Variants in CADPS observed in about 807,000 individuals in gnomAD.
The protein encoded by CADPS is calcium-dependent secretion activator 1.
Under a neutral mutation model 167.3 loss-of-function variants are expected in CADPS, and 57 were observed. The observed-to-expected ratio is 0.34, with a 90% CI of 0.28 to 0.42. The LOEUF (loss-of-function observed/expected upper bound fraction) is 0.42, where lower values mean the gene tolerates loss of function less well. Among genes scored for constraint, CADPS ranks in the 20% least tolerant of loss-of-function variants. The pLI, the probability that CADPS is intolerant of heterozygous loss-of-function variation, is 1.00. For missense variants in CADPS, 1,414 were observed against 1,738.1 expected (o/e 0.81, Z 3.32); for synonymous variants, 676 against 635.3 (o/e 1.06, Z -0.96).
At chr3:62,647,020 T>C (rs1359937832) in intron 5 of CADPS, among the ~76,000 whole-genome samples, 1 of 152,150 alleles carries the variant, frequency 6.6e-6, no homozygotes, top group Non-Finnish European at 1.5e-5. Flanking sequence ...TCACCTACTA[T>C]TCTGATATTT....
chr3:62,520,779 A>C (rs1420500468), intron 13 of CADPS, among the ~76,000 whole-genome samples: 3 of 152,226 alleles, frequency 2.0e-5, no homozygotes, highest in Non-Finnish European at 4.4e-5. Context: ...ATGCAGGAAT[A>C]ACAACTTGTC....
At chr3:62,780,803 C>T (rs552530676) in intron 1 of CADPS, among the ~76,000 whole-genome samples, 1 of 152,258 alleles carries the variant, frequency 6.6e-6, no homozygotes, top group South Asian at 2.1e-4. Flanking sequence ...CCAGCTTTTC[C>T]ATCTTGCTAG....
intron 1 of CADPS, among the ~76,000 whole-genome samples, chr3:62,858,827 C>G (rs1457693573): frequency 6.6e-6 from 1 of 152,070 alleles, no homozygotes; most frequent in Admixed American, 6.5e-5. Flanking sequence ...CCTTAAAAAT[C>G]TGCTTTATGA....
chr3:62,467,288 A>G, intron 24 of CADPS: 5 of 1,249,548 alleles, frequency 4.0e-6, no homozygotes, highest in Non-Finnish European at 5.2e-6. Flanking sequence ...GAAAAGGAAA[A>G]TGCACTTACC....
chr3:62,549,865 C>G, intron 11 of CADPS, 38 bp downstream of exon 11: 4 of 1,521,036 alleles, frequency 2.6e-6, no homozygotes, highest in Non-Finnish European at 3.6e-6. Flanking sequence ...TTACTTTACT[C>G]TACAGAGCTA....
rs79207718 is a variant in CADPS at position 62,865,831 on chromosome 3, T to C, written c.441+8758A>G. Among the ~76,000 whole-genome samples the C allele has an allele frequency of 2.0e-3, 300 of 152,140 alleles. 10 individuals carry two copies. The East Asian group carries it at 0.048, about 25-fold the overall frequency. On this transcript the variant is annotated intron_variant, in intron 1 of 29. Coordinates refer to ENST00000383710, the MANE Select transcript of CADPS (RefSeq NM_003716.4). Reference sequence around the variant, plus strand: ...AGAAAGGACTTTAGGCAGCTTACAATAAAATAACAGAAAATAATGCCAAAA... The same window carrying C: ...AGAAAGGACTTTAGGCAGCTTACAACAAAATAACAGAAAATAATGCCAAAA...
chr3:62,647,939 C>CCCTTTGCCCTTTGT (rs1424584806), intron 5 of CADPS, among the ~76,000 whole-genome samples: 1 of 152,184 alleles, frequency 6.6e-6, no homozygotes, highest in Non-Finnish European at 1.5e-5. Flanking sequence ...TTAGCACATG[C>CCCTTTGCCCTTTGT]CCTTTGCCCT....
At chr3:62,586,048 G>T (rs2084541331) in intron 7 of CADPS, among the ~76,000 whole-genome samples, 1 of 152,212 alleles carries the variant, frequency 6.6e-6, no homozygotes, top group African/African-American at 2.4e-5. Flanking sequence ...GAAACAGGAA[G>T]TGAGTAACTC....
At chr3:62,706,279 C>T (rs2082294044) in intron 3 of CADPS, among the ~76,000 whole-genome samples, 1 of 152,104 alleles carries the variant, frequency 6.6e-6, no homozygotes, top group Admixed American at 6.5e-5. Context: ...GTCACTACAC[C>T]TTATTAACAT....
At chr3:62,573,026 T>C (rs1397797692) in intron 8 of CADPS, among the ~76,000 whole-genome samples, 1 of 152,124 alleles carries the variant, frequency 6.6e-6, no homozygotes, top group African/African-American at 2.4e-5. Flanking sequence ...GGATTACAGA[T>C]GTGCACCACC....
At chr3:62,481,981 C>A in intron 21 of CADPS, 112 bp from the exon 22 acceptor site, 8 of 1,033,284 alleles carry the variant, frequency 7.7e-6, no homozygotes, top group African/African-American at 1.6e-5. Flanking sequence ...AAGACAACAG[C>A]AAAAACTCAA....
intron 1 of CADPS, among the ~76,000 whole-genome samples, chr3:62,816,159 C>T (rs1214740390): frequency 3.9e-5 from 6 of 151,944 alleles, no homozygotes; most frequent in Non-Finnish European, 8.8e-5. Context: ...ATTGTTATGG[C>T]CAAAAGGAAG....
chr3:62,761,462 G>A (rs1188296023), intron 2 of CADPS, among the ~76,000 whole-genome samples: 1 of 152,062 alleles, frequency 6.6e-6, no homozygotes, highest in African/African-American at 2.4e-5. Flanking sequence ...GAGCTTCACT[G>A]GCTGAAGTTC....
rs1172908099 is a variant in CADPS, at chr3:62,438,075, T to A, written c.3777+29A>T. On this transcript the variant is annotated intron_variant, in intron 28 of 29. Transcript: ENST00000383710. The surrounding 1 kb of genome is among the most constrained non-coding windows in gnomAD (Gnocchi z 4.7). ...ACATTTTGGAGGGTCTCCTCCTTGG[T>A]TTTCAAGGAGGAGAAGGCATTTACT... The A allele has an allele frequency of 6.8e-7, 1 of 1,469,032 alleles. No individual in the cohort carries two copies. Among genetic ancestry groups the A allele is most frequent in the East Asian group, 2.3e-5 (1 of 44,102 alleles). 91.0% of individuals were successfully genotyped at this position (1,469,032 alleles called of 1,614,324 possible).
chr3:62,470,704 T>G (rs1453657534), intron 24 of CADPS: 1 of 152,122 alleles, frequency 6.6e-6, no homozygotes, highest in Non-Finnish European at 1.5e-5. Flanking sequence ...TCAATTATAC[T>G]AAGGAAAAAT....
At chr3:62,506,798 G>A (rs1052514894) in intron 17 of CADPS, among the ~76,000 whole-genome samples, 7 of 152,166 alleles carry the variant, frequency 4.6e-5, no homozygotes, top group Non-Finnish European at 8.8e-5. Flanking sequence ...GGGCCACTGT[G>A]GCCCTTCTCT....
At chr3:62,581,961 C>G (rs890874236) in intron 8 of CADPS, among the ~76,000 whole-genome samples, 1 of 152,064 alleles carries the variant, frequency 6.6e-6, no homozygotes, top group Non-Finnish European at 1.5e-5. Context: ...ATTTTAAGGT[C>G]AAGAAGCAGT....
intron 24 of CADPS, among the ~76,000 whole-genome samples, chr3:62,472,660 G>A (rs2060767656): frequency 6.6e-6 from 1 of 152,130 alleles, no homozygotes; most frequent in Non-Finnish European, 1.5e-5. Context: ...TTCTTGATTT[G>A]CTTTGAAAAA....
chr3:62,431,809 T>G (rs997297470), intron 28 of CADPS, among the ~76,000 whole-genome samples: 3 of 151,650 alleles, frequency 2.0e-5, no homozygotes, highest in African/African-American at 7.3e-5. Flanking sequence ...ATAGTGACCA[T>G]TAACTTTAAA....
Sources: allele counts gnomAD v4.1 joint callset (sites outside exome capture counted in the v4.1 genomes callset), GRCh38; gene constraint gnomAD v4.1.1; non-coding constraint Gnocchi (gnomAD v3.1); transcripts MANE v1.5; gene names NCBI Gene and HGNC (gene_info 2026-07-23, HGNC 2026-07-21).